The following SLC35B3 variants were observed in gnomAD, a reference collection of about 807,000 sequenced individuals.
SLC35B3 encodes adenosine 3'-phospho 5'-phosphosulfate transporter 2.
SLC35B3 carries 35 observed loss-of-function variants against 44.1 expected under a neutral mutation model. The observed-to-expected ratio is 0.79, with a 90% CI of 0.61 to 1.05. The LOEUF is 1.05. SLC35B3 is among the 50% of genes least tolerant of loss of function. The probability of loss-of-function intolerance (pLI) is 0.00; values close to 1 mark genes in which losing one functional copy is unlikely to be tolerated. For missense variants in SLC35B3, 414 were observed against 476.4 expected (o/e 0.87, Z 1.22); for synonymous variants, 146 against 167.3 (o/e 0.87, Z 0.98).
At position 8,420,782 on chromosome 6, in the gene SLC35B3, G is replaced by C; in HGVS notation, c.621C>G (p.Ser207Arg). The change falls in exon 6 of 11, where the codon AGC (serine) becomes AGG (arginine). Residue 207 changes from serine (S) to arginine (R), a missense_variant. Ser to Arg is a moderately radical substitution (Grantham distance 110, BLOSUM62 -1). Coordinates refer to ENST00000644923, the MANE Select transcript of SLC35B3 (RefSeq NM_001370476.2). The surrounding 1 kb of genome is among the most constrained non-coding windows in gnomAD (Gnocchi z 4.4). ...CGAGGGTAAACCATATCAGGCCAAG[G>C]CTCATACATATGGCAGCAGACACAT... is the stretch of plus-strand genomic sequence containing the variant. The C allele has an allele frequency of 6.2e-7, 1 of 1,612,990 alleles. No homozygotes were observed. The highest frequency in any genetic ancestry group is 8.5e-7 in the Non-Finnish European group (1 of 1,179,220).
chr6:8,423,876 T>C (rs1763169271), intron 4 of SLC35B3, among the ~76,000 whole-genome samples: 1 of 152,186 alleles, frequency 6.6e-6, no homozygotes, highest in Non-Finnish European at 1.5e-5. Context: ...ATGCCATCCA[T>C]GGGGTTTGAC....
rs117953886 is a variant in SLC35B3, at chr6:8,432,420, A to G, written c.3+1965T>C. ...TTCTCCAGAAGGTCACGCTTTCCCA[A>G]AGTCACCTTCTTCTGAGATGTTTGT... On this transcript the variant is annotated intron_variant, in intron 2 of 10. Coordinates refer to ENST00000644923, the MANE Select transcript of SLC35B3 (RefSeq NM_001370476.2). This position sits in a 1 kb window ranked among gnomAD's most constrained non-coding sequence, Gnocchi z 4.8. Among the ~76,000 whole-genome samples, 244 of 151,018 alleles carry G rather than the reference A, an allele frequency of 1.6e-3. 11 individuals carry two copies. The East Asian group carries it at 0.042, about 26-fold the overall frequency.
Position 8,435,460 on chromosome 6 carries a change from G to C in SLC35B3, c.-161C>G. ...TCACCTCCTCTTCCTCCTCCTCCTCGCCCACTCCTGCACTTTCCACCGCGG... is the reference window on the plus strand; with the variant it reads ...TCACCTCCTCTTCCTCCTCCTCCTCCCCCACTCCTGCACTTTCCACCGCGG... On this transcript the variant is annotated 5_prime_UTR_variant, in exon 1 of 11. Transcript: ENST00000644923. This position sits in a 1 kb window ranked among gnomAD's most constrained non-coding sequence, Gnocchi z 5.5. 2 of 1,139,204 alleles carry C rather than the reference G, an allele frequency of 1.8e-6. No individual in the cohort carries two copies. Among genetic ancestry groups the C allele is most frequent in the Non-Finnish European group, 2.3e-6 (2 of 856,640 alleles). 70.6% of individuals were successfully genotyped at this position (1,139,204 alleles called of 1,614,324 possible).
chr6:8,435,291 G>A lies in SLC35B3; in HGVS notation c.-44+52C>T. ...ATGGGCAGTGTCAAGGTTTTCTGGAGGAGAGGAGATCTGGGTCCCAAACAC... is the reference window on the plus strand; with the variant it reads ...ATGGGCAGTGTCAAGGTTTTCTGGAAGAGAGGAGATCTGGGTCCCAAACAC... On this transcript the variant is annotated intron_variant, in intron 1 of 10. Transcript: ENST00000644923. This position sits in a 1 kb window ranked among gnomAD's most constrained non-coding sequence, Gnocchi z 5.5. 7.8e-7 allele frequency: 1 copy of A among 1,289,348 alleles called. No homozygotes were observed. The highest frequency in any genetic ancestry group is 1.0e-6 in the Non-Finnish European group (1 of 988,866). 79.9% of individuals were successfully genotyped at this position (1,289,348 alleles called of 1,614,324 possible).
In SLC35B3 at chr6:8,412,634, T is replaced by A. The variant is rs1762091520; in HGVS notation, c.*915A>T. Among the ~76,000 whole-genome samples, 1 of 152,150 alleles carries A rather than the reference T, an allele frequency of 6.6e-6. No homozygotes were observed. The highest frequency in any genetic ancestry group is 2.4e-5 in the African/African-American group (1 of 41,448). On this transcript the variant is annotated 3_prime_UTR_variant, in exon 11 of 11. Coordinates refer to ENST00000644923, the MANE Select transcript of SLC35B3 (RefSeq NM_001370476.2). ...TCTAAATCAGTGGTCCCCAACCCTT[T>A]TGGCAGTAGGGACTAGTTTCGTGGA... is the stretch of plus-strand genomic sequence containing the variant.
rs956597588 is a variant in SLC35B3, at chr6:8,434,849, T to G, written c.-43-419A>C. Among the ~76,000 whole-genome samples the G allele has an allele frequency of 6.6e-6, 1 of 152,182 alleles. No homozygotes were observed. The highest frequency in any genetic ancestry group is 2.4e-5 in the African/African-American group (1 of 41,434). On this transcript the variant is annotated intron_variant, in intron 1 of 10. Coordinates refer to ENST00000644923, the MANE Select transcript of SLC35B3 (RefSeq NM_001370476.2). The surrounding 1 kb of genome is among the most constrained non-coding windows in gnomAD (Gnocchi z 6.3). ...TTCAGTTGCAAAGACTGGAGGAAAC[T>G]TGCAGAACTTCTAGTGGAAGTTTAT...
chr6:8,435,506 A>G lies in SLC35B3; in HGVS notation c.-207T>C. On this transcript the variant is annotated 5_prime_UTR_variant, in exon 1 of 11. Transcript: ENST00000644923. The surrounding 1 kb of genome is among the most constrained non-coding windows in gnomAD (Gnocchi z 5.5). ...CGCGGCGGTCGCCTCCCCGGAAAGC[A>G]CTCTCAACTCCGGCGCCCGCAGGCC... The G allele has an allele frequency of 1.4e-6, 1 of 723,676 alleles. No homozygotes were observed. Among genetic ancestry groups the G allele is most frequent in the Non-Finnish European group, 2.0e-6 (1 of 503,772 alleles). 44.8% of individuals were successfully genotyped at this position (723,676 alleles called of 1,614,324 possible).
chr6:8,421,484 A>AT (rs1762885028), intron 5 of SLC35B3, among the ~76,000 whole-genome samples: 1 of 152,304 alleles, frequency 6.6e-6, no homozygotes, highest in South Asian at 2.1e-4. Flanking sequence ...CAACACTTTC[A>AT]TTTTTAAAGG....
chr6:8,434,514 C>T lies in SLC35B3; in HGVS notation c.-43-84G>A. On this transcript the variant is annotated intron_variant, in intron 1 of 10. Transcript: ENST00000644923. This position sits in a 1 kb window ranked among gnomAD's most constrained non-coding sequence, Gnocchi z 6.3. ...ACATCATTACACAAAGGTGGAGAAA[C>T]CCTGTGCTAATGTTTGAAGACTATT... 3 of 1,191,468 alleles carry T rather than the reference C, an allele frequency of 2.5e-6. No individual in the cohort carries two copies. Among genetic ancestry groups the T allele is most frequent in the Non-Finnish European group, 3.5e-6 (3 of 851,612 alleles). 73.8% of individuals were successfully genotyped at this position (1,191,468 alleles called of 1,614,324 possible). A position where few individuals can be genotyped will look rare whatever the true frequency, so the allele number is the denominator to read the frequency against.
chr6:8,422,472 T>A lies in SLC35B3; in HGVS notation c.572A>T (p.Gln191Leu). The stretch of plus-strand genomic sequence containing the variant: ...ATAAAAACATATCATTACTATACCT[T>A]GAATAAAAACTCCTCCTAGCATAAC... Residue 191 changes from glutamine (Q) to leucine (L), a missense_variant and splice_region_variant, in exon 5 of 11, where the codon CAA (glutamine) becomes CTA (leucine). By Grantham distance (113) the Gln-to-Leu change is moderately radical (BLOSUM62 -2). Coordinates refer to ENST00000644923, the MANE Select transcript of SLC35B3 (RefSeq NM_001370476.2). 1 of 1,611,208 alleles carries A rather than the reference T, an allele frequency of 6.2e-7. No individual in the cohort carries two copies. Among genetic ancestry groups the A allele is most frequent in the Non-Finnish European group, 8.5e-7 (1 of 1,177,772 alleles).
rs1172449697 is a variant in SLC35B3, at chr6:8,419,118, T to C, written c.780+462A>G. ...AAAGAAAAGTTCTTTTAAAAAAGTT[T>C]TAGATTGGATCAAGGGCTTAATAAA... On this transcript the variant is annotated intron_variant, in intron 7 of 10. Transcript: ENST00000644923. The surrounding 1 kb of genome is among the most constrained non-coding windows in gnomAD (Gnocchi z 4.3). Among the ~76,000 whole-genome samples, 2 of 152,080 alleles carry C rather than the reference T, an allele frequency of 1.3e-5. No individual in the cohort carries two copies. Among genetic ancestry groups the C allele is most frequent in the Admixed American group, 1.3e-4 (2 of 15,258 alleles).
intron 4 of SLC35B3, among the ~76,000 whole-genome samples, chr6:8,427,175 A>C (rs1389504073): frequency 6.6e-6 from 1 of 152,212 alleles, no homozygotes; most frequent in African/African-American, 2.4e-5. Context: ...AGAAAAGAAA[A>C]ACCCATTTTT....
Position 8,413,568 on chromosome 6 carries a change from G to C in SLC35B3, c.1187C>G (p.Thr396Arg). ...CACTGTCTATACAGTCTGTGCCAGC[G>C]TCCTTGACTTTCTTGCTTCCACTGA... is the stretch of plus-strand genomic sequence containing the variant. Residue 396 changes from threonine (T) to arginine (R), a missense_variant, in exon 11 of 11, where the codon ACG becomes AGG. By Grantham distance (71) the Thr-to-Arg change is moderately conservative. Transcript: ENST00000644923. 6.2e-7 allele frequency: 1 copy of C among 1,609,490 alleles called. No homozygotes were observed. The highest frequency in any genetic ancestry group is 1.9e-4 in the Middle Eastern group (1 of 5,230).
At chr6:8,422,326 T>C (rs1762967773) in intron 5 of SLC35B3, 144 bp downstream of exon 4, 1 of 710,168 alleles carries the variant, frequency 1.4e-6, no homozygotes, top group Non-Finnish European at 2.3e-6. Context: ...GAATACCTTA[T>C]TTTGGTAAGA....
At position 8,419,385 on chromosome 6, in the gene SLC35B3, G is replaced by A. The variant is rs1353333004; in HGVS notation, c.780+195C>T. ...AACTAAATCAATGAGGAAAAAATTTGTCAACTATGCAACAAGCGGTTAGCA... is the reference window on the plus strand; with the variant it reads ...AACTAAATCAATGAGGAAAAAATTTATCAACTATGCAACAAGCGGTTAGCA... On this transcript the variant is annotated intron_variant, in intron 7 of 10. Coordinates refer to ENST00000644923, the MANE Select transcript of SLC35B3 (RefSeq NM_001370476.2). This position sits in a 1 kb window ranked among gnomAD's most constrained non-coding sequence, Gnocchi z 4.3. Among the ~76,000 whole-genome samples the A allele has an allele frequency of 6.6e-6, 1 of 152,014 alleles. No homozygotes were observed. The highest frequency in any genetic ancestry group is 6.5e-5 in the Admixed American group (1 of 15,270).
intron 9 of SLC35B3, 59 bp downstream of exon 8, chr6:8,416,825 G>C (rs930911478): frequency 4.0e-6 from 3 of 758,318 alleles, no homozygotes; most frequent in Non-Finnish European, 4.2e-6. Flanking sequence ...TTTTGAAAAA[G>C]AGCATCAGAG....
chr6:8,418,820 T>A (rs1192126552), intron 7 of SLC35B3: 1 of 222,802 alleles, frequency 4.5e-6, no homozygotes. Flanking sequence ...CCAATCACAA[T>A]ACCAATGGGA....
chr6:8,422,497 C>G lies in SLC35B3; in HGVS notation c.547G>C (p.Val183Leu), dbSNP rs1234423632. ...TGAATAAAAACTCCTCCTAGCATAA[C>G]AGGAATCAATTTGCAGCACTTGAAG... The change falls in exon 5 of 11, where the codon GTT becomes CTT. Residue 183 changes from valine (V) to leucine (L), a missense_variant. Val to Leu is a conservative substitution (Grantham distance 32). Transcript: ENST00000644923. The G allele has an allele frequency of 2.5e-6, 4 of 1,613,326 alleles. No homozygotes were observed. The highest frequency in any genetic ancestry group is 3.4e-6 in the Non-Finnish European group (4 of 1,179,586).
At chr6:8,425,289 C>G (rs367690792) in intron 4 of SLC35B3, among the ~76,000 whole-genome samples, 1 of 152,102 alleles carries the variant, frequency 6.6e-6, no homozygotes, top group East Asian at 1.9e-4. Flanking sequence ...AGCAATCTTA[C>G]CTTAGAAGGC....
Sources: allele counts gnomAD v4.1 joint callset (sites outside exome capture counted in the v4.1 genomes callset), GRCh38; gene constraint gnomAD v4.1.1; non-coding constraint Gnocchi (gnomAD v3.1); transcripts MANE v1.5; gene names NCBI Gene and HGNC (gene_info 2026-07-23, HGNC 2026-07-21).